RERE: variants seen among roughly 807,000 people sequenced by gnomAD.
RERE encodes the protein arginine-glutamic acid dipeptide repeats, also known as arginine-glutamic acid dipeptide repeats protein.
In RERE, 40 loss-of-function variants were observed where a neutral mutation model predicts 146.1. That is an observed-to-expected ratio of 0.27 (90% CI 0.21 to 0.36). RERE has a LOEUF of 0.36. Ranked by LOEUF, RERE falls within the 10% of genes least tolerant of loss-of-function variation. The pLI, the probability that RERE is intolerant of heterozygous loss-of-function variation, is 1.00. For synonymous variants in RERE, 1,003 were observed against 866.0 expected, an observed-to-expected ratio of 1.16 and a Z score of -2.78; for missense variants, 1,933 against 2,138.7, an observed-to-expected ratio of 0.90 and a Z score of 1.90.
At position 8,646,547 on chromosome 1, in the gene RERE, A is replaced by C. The variant is rs1333617285; in HGVS notation, c.325+9426T>G. Among the ~76,000 whole-genome samples, 6 of 151,542 alleles carry C rather than the reference A, an allele frequency of 4.0e-5. No individual in the cohort carries two copies. The East Asian group carries it at 1.2e-3, about 29-fold the overall frequency. On this transcript the variant is annotated intron_variant, in intron 2 of 22. Transcript: ENST00000400908. Reference sequence around the variant, plus strand: ...ACCCTTCCCCGCCACTCAAAAAAAAACAAACAAACAAAAAAAAAACAGGGT... The same window carrying C: ...ACCCTTCCCCGCCACTCAAAAAAAACCAAACAAACAAAAAAAAAACAGGGT...
chr1:8,427,779 T>G (rs1039942013), intron 11 of RERE, among the ~76,000 whole-genome samples: 1 of 151,592 alleles, frequency 6.6e-6, no homozygotes, highest in Non-Finnish European at 1.5e-5. Flanking sequence ...TTACCAGAAA[T>G]GTAGAGTAGC....
At chr1:8,559,460 C>G (rs1241407007) in intron 4 of RERE, among the ~76,000 whole-genome samples, 1 of 151,810 alleles carries the variant, frequency 6.6e-6, no homozygotes, top group Non-Finnish European at 1.5e-5. Context: ...ATGATGAGTA[C>G]TCTTTAATAT....
At chr1:8,589,970 CCT>C (rs1342527929) in intron 4 of RERE, among the ~76,000 whole-genome samples, 1 of 152,124 alleles carries the variant, frequency 6.6e-6, no homozygotes, top group Non-Finnish European at 1.5e-5. Flanking sequence ...GTGGTACAGC[CCT>C]CTGTGTGTAA....
intron 8 of RERE, among the ~76,000 whole-genome samples, chr1:8,505,014 C>G (rs1156801974): frequency 1.3e-5 from 2 of 152,158 alleles, no homozygotes; most frequent in East Asian, 1.9e-4. Flanking sequence ...TACTAATTCT[C>G]AAGTCATGCA....
At chr1:8,531,205 A>T (rs2124368490) in intron 7 of RERE, among the ~76,000 whole-genome samples, 1 of 152,248 alleles carries the variant, frequency 6.6e-6, no homozygotes, top group East Asian at 1.9e-4. Flanking sequence ...ATATAATGAG[A>T]GGCCGAAGTG....
chr1:8,638,551 G>C (rs10864359), intron 2 of RERE, among the ~76,000 whole-genome samples: 128,666 of 152,158 alleles, frequency 0.85, 54,695 homozygotes, highest in East Asian at 0.94. Context: ...TTTACAAGTG[G>C]TGGCATGGAA....
intron 11 of RERE, among the ~76,000 whole-genome samples, chr1:8,432,538 T>C (rs1557629585): frequency 1.3e-5 from 2 of 152,200 alleles, no homozygotes; most frequent in Non-Finnish European, 2.9e-5. Flanking sequence ...TCTCTCTCCC[T>C]TCTCTGAAAA....
At chr1:8,621,914 ATATT>A (rs1174231467) in intron 3 of RERE, among the ~76,000 whole-genome samples, 3 of 152,240 alleles carry the variant, frequency 2.0e-5, no homozygotes, top group East Asian at 1.9e-4. Flanking sequence ...GGAAATAACT[ATATT>A]TATTCCCAGA....
At chr1:8,677,454 GAAA>G (rs571192127) in intron 1 of RERE, among the ~76,000 whole-genome samples, 3 of 101,696 alleles carry the variant, frequency 2.9e-5, no homozygotes, top group Non-Finnish European at 6.3e-5. Flanking sequence ...AGAAAGAAAA[GAAA>G]AAAAAAAAAA....
intron 6 of RERE, among the ~76,000 whole-genome samples, chr1:8,550,011 G>C (rs918152450): frequency 5.3e-5 from 8 of 152,154 alleles, no homozygotes; most frequent in African/African-American, 1.9e-4. Context: ...ACAACAACGA[G>C]GACATTGCTG....
At chr1:8,416,586 CA>C (rs5772324) in intron 12 of RERE, among the ~76,000 whole-genome samples, 105 of 105,934 alleles carry the variant, frequency 9.9e-4, no homozygotes, top group Non-Finnish European at 1.1e-3. Flanking sequence ...ACTCCATCTC[CA>C]AAAAAAAAAA....
intron 1 of RERE, among the ~76,000 whole-genome samples, chr1:8,764,829 A>G (rs1345512033): frequency 6.6e-6 from 1 of 152,230 alleles, no homozygotes. Flanking sequence ...AATGGCTACA[A>G]TCCAAAACCC....
Position 8,556,576 on chromosome 1 carries a change from C to T in RERE, c.629-5G>A. The T allele has an allele frequency of 6.4e-7, 1 of 1,557,042 alleles. No homozygotes were observed. The highest frequency in any genetic ancestry group is 8.8e-7 in the Non-Finnish European group (1 of 1,130,984). ...TGACAAGTTCTCTTCCAGAGTCTGT[C>T]AAAAAATTAATTAAGACGACATTAA... On this transcript the variant is annotated splice_region_variant and splice_polypyrimidine_tract_variant and intron_variant, in intron 5 of 22. Transcript: ENST00000400908.
intron 10 of RERE, among the ~76,000 whole-genome samples, chr1:8,492,043 G>T (rs1354312815): frequency 1.3e-5 from 2 of 152,152 alleles, no homozygotes; most frequent in South Asian, 2.1e-4. Context: ...TGCAACTGAA[G>T]TTTTCGGAGT....
intron 1 of RERE, among the ~76,000 whole-genome samples, chr1:8,801,656 AG>A (rs767522041): frequency 1.3e-5 from 2 of 152,240 alleles, no homozygotes; most frequent in African/African-American, 2.4e-5. Flanking sequence ...CATAATATCC[AG>A]GGATGGTGAG....
chr1:8,748,466 C>T (rs1640467970), intron 1 of RERE, among the ~76,000 whole-genome samples: 1 of 152,220 alleles, frequency 6.6e-6, no homozygotes, highest in Non-Finnish European at 1.5e-5. Context: ...TAACCCTCCC[C>T]TTCCATCCAT....
At chr1:8,764,416 A>G (rs1254070302) in intron 1 of RERE, among the ~76,000 whole-genome samples, 1 of 152,148 alleles carries the variant, frequency 6.6e-6, no homozygotes, top group African/African-American at 2.4e-5. Flanking sequence ...TTCTTAAGTT[A>G]AATGTTTAAA....
chr1:8,603,680 A>C (rs1046688589), intron 4 of RERE, among the ~76,000 whole-genome samples: 1 of 152,202 alleles, frequency 6.6e-6, no homozygotes, highest in East Asian at 1.9e-4. Context: ...AAGAACACAA[A>C]AACTATTTTT....
intron 12 of RERE, among the ~76,000 whole-genome samples, chr1:8,367,965 C>G (rs990410219): frequency 6.6e-6 from 1 of 152,166 alleles, no homozygotes; most frequent in Non-Finnish European, 1.5e-5. Context: ...TGGTTTTCCT[C>G]TGAGAAAATA....
Sources: gnomAD v4.1 joint callset for allele counts (sites outside exome capture counted in the v4.1 genomes callset) on GRCh38, gnomAD v4.1.1 for gene constraint, MANE v1.5 for transcripts, NCBI Gene and HGNC (gene_info 2026-07-23, HGNC 2026-07-21) for gene names.